Variants in IPO5 observed in about 807,000 individuals in gnomAD.
IPO5 encodes importin-5.
In IPO5, 18 loss-of-function variants were observed where a neutral mutation model predicts 143.3. The observed-to-expected ratio is 0.13, with a 90% CI of 0.09 to 0.19. IPO5 has a LOEUF of 0.19. Ranked by LOEUF, IPO5 falls within the 10% of genes least tolerant of loss-of-function variation. IPO5 has a pLI of 1.00. For synonymous variants in IPO5, 477 were observed against 465.7 expected, an observed-to-expected ratio of 1.02 and a Z score of -0.31; for missense variants, 1,013 against 1,336.9, an observed-to-expected ratio of 0.76 and a Z score of 3.78.
intron 6 of IPO5, chr13:97,988,111 A>G (rs976362327): frequency 2.0e-5 from 4 of 196,592 alleles, no homozygotes; most frequent in Admixed American, 5.3e-5. Flanking sequence ...TGTAAGTTGT[A>G]TAACTCTTAA....
At chr13:97,957,591 T>C (rs1356271330) in intron 2 of IPO5, among the ~76,000 whole-genome samples, 3 of 152,138 alleles carry the variant, frequency 2.0e-5, no homozygotes, top group Admixed American at 6.5e-5. Flanking sequence ...GCCTAAATGC[T>C]TGAAGACAAT....
intron 17 of IPO5, among the ~76,000 whole-genome samples, chr13:98,006,996 G>T (rs1193024069): frequency 1.3e-5 from 2 of 151,084 alleles, no homozygotes; most frequent in Non-Finnish European, 3.0e-5. Flanking sequence ...CTCCCAGGTA[G>T]CTGAGATTAC....
intron 21 of IPO5, among the ~76,000 whole-genome samples, chr13:98,013,731 G>A (rs1340068674): frequency 6.6e-6 from 1 of 152,122 alleles, no homozygotes; most frequent in Non-Finnish European, 1.5e-5. Flanking sequence ...TAGTACCTAA[G>A]GTTTTGAGGT....
At chr13:98,019,843 C>A in intron 27 of IPO5, 34 bp downstream of exon 27, 1 of 1,405,364 alleles carries the variant, frequency 7.1e-7, no homozygotes, top group Non-Finnish European at 1.0e-6. Flanking sequence ...ATTTCCTTCT[C>A]CTCCACAGTG....
At chr13:97,964,443 C>CTTT (rs369952371) in intron 2 of IPO5, among the ~76,000 whole-genome samples, 94 of 108,172 alleles carry the variant, frequency 8.7e-4, no homozygotes, top group Non-Finnish European at 1.4e-3. Context: ...CCATTTCTTT[C>CTTT]TTTTTTTTTT....
Position 98,002,531 on chromosome 13 carries a change from G to A in IPO5, c.1173G>A (p.Gln391=), listed in dbSNP as rs772092051. The A allele has an allele frequency of 6.2e-7, 1 of 1,613,882 alleles. No homozygotes were observed. Among genetic ancestry groups the A allele is most frequent in the Non-Finnish European group, 8.5e-7 (1 of 1,179,784 alleles). Residue 391 remains glutamine, a synonymous_variant, in exon 14 of 29, where the codon CAG becomes CAA. Transcript: ENST00000651721. The part of the protein sequence containing the change: ...ALSAIGEGCH[Q]QMEGILNEIV... ...CTGCCATTGGTGAAGGGTGCCACCA[G>A]CAAATGGAAGGAATTCTAAATGAGA...
At chr13:98,008,788 T>C (rs773101490) in intron 18 of IPO5, among the ~76,000 whole-genome samples, 2 of 152,206 alleles carry the variant, frequency 1.3e-5, no homozygotes, top group African/African-American at 2.4e-5. Context: ...AGTAACATCA[T>C]AAATGTTTGT....
intron 17 of IPO5, among the ~76,000 whole-genome samples, chr13:98,007,120 A>C (rs1271920286): frequency 1.3e-5 from 2 of 151,886 alleles, no homozygotes; most frequent in Non-Finnish European, 2.9e-5. Flanking sequence ...CAGTCTGCTC[A>C]CAGGTGTGAG....
chr13:97,990,977 G>T (rs919961887), intron 9 of IPO5, among the ~76,000 whole-genome samples: 3 of 152,054 alleles, frequency 2.0e-5, no homozygotes, highest in African/African-American at 2.4e-5. Context: ...AATACTTTCT[G>T]CTTTAATCAG....
chr13:98,017,545 G>T (rs936473484), intron 25 of IPO5, among the ~76,000 whole-genome samples: 4 of 151,444 alleles, frequency 2.6e-5, no homozygotes, highest in African/African-American at 9.7e-5. Flanking sequence ...TGATCCACCC[G>T]CCTCGGCCTC....
chr13:97,969,745 G>A lies in IPO5; in HGVS notation c.-90G>A. The A allele has an allele frequency of 6.4e-7, 1 of 1,572,080 alleles. No homozygotes were observed. The highest frequency in any genetic ancestry group is 8.8e-7 in the Non-Finnish European group (1 of 1,142,448). On this transcript the variant is annotated 5_prime_UTR_variant, in exon 3 of 29. Coordinates refer to ENST00000651721, the MANE Select transcript of IPO5 (RefSeq NM_002271.6). ...CAGCAGAGGAAAGAAATTCCTAAGG[G>A]AACACTGCTCAGAAAGTACTGCAGC...
In IPO5 at chr13:98,006,165, A is replaced by T; in HGVS notation, c.1533A>T (p.Gln511His). 1 of 1,613,884 alleles carries T rather than the reference A, an allele frequency of 6.2e-7. No individual in the cohort carries two copies. The highest frequency in any genetic ancestry group is 8.5e-7 in the Non-Finnish European group (1 of 1,179,906). ...AAGGCACCAAGTTAGTTTTGGAACA[A>T]GTTGTGACATCCATTGCATCAGTTG... ...IQKGTKLVLE[Q>H]VVTSIASVAD... Residue 511 changes from glutamine (Q) to histidine (H), a missense_variant, in exon 17 of 29, where the codon CAA becomes CAT. Transcript: ENST00000651721.
chr13:97,979,856 A>G (rs1388582187), intron 4 of IPO5: 2 of 456,404 alleles, frequency 4.4e-6, no homozygotes, highest in East Asian at 6.9e-5. Flanking sequence ...ACAGAGGATA[A>G]CATTGAAAAA....
Position 97,990,522 on chromosome 13 carries a change from A to C in IPO5, c.654A>C (p.Leu218=), listed in dbSNP as rs768881287. ...VALFKHFADL[L]PGFLQAVNDS... ...TGTTCAAACATTTTGCAGACTTGCTACCGGGATTCCTACAGGTATGAAAGC... is the reference window on the plus strand; with the variant it reads ...TGTTCAAACATTTTGCAGACTTGCTCCCGGGATTCCTACAGGTATGAAAGC... The change falls in exon 9 of 29, where the codon CTA becomes CTC. Residue 218 remains leucine, a synonymous_variant. Transcript: ENST00000651721. 3.8e-6 allele frequency: 6 copies of C among 1,585,828 alleles called. No homozygotes were observed. The highest frequency in any genetic ancestry group is 5.1e-6 in the Non-Finnish European group (6 of 1,166,590).
At chr13:98,021,706 C>T in intron 28 of IPO5, 30 bp from the exon 29 acceptor site, 4 of 1,389,034 alleles carry the variant, frequency 2.9e-6, no homozygotes, top group African/African-American at 1.4e-5. Flanking sequence ...GCATTTCGTC[C>T]TAAGTCTGTG....
chr13:98,015,326 C>T (rs1594129320), intron 22 of IPO5, among the ~76,000 whole-genome samples: 1 of 151,632 alleles, frequency 6.6e-6, no homozygotes. Flanking sequence ...TAGGTATGCT[C>T]AGTAGTGTTC....
intron 5 of IPO5, among the ~76,000 whole-genome samples, chr13:97,985,116 AATTTAAG>A (rs1233161522): frequency 6.6e-6 from 1 of 152,198 alleles, no homozygotes; most frequent in Non-Finnish European, 1.5e-5. Flanking sequence ...TAGGGTTTAC[AATTTAAG>A]ATTTGTTTTT....
At chr13:98,006,065 TA>T in intron 16 of IPO5, 64 bp from the exon 17 acceptor site, 1 of 1,074,490 alleles carries the variant, frequency 9.3e-7, no homozygotes, top group Non-Finnish European at 1.4e-6. Context: ...AAGGGAGTAG[TA>T]ATTGTAAATT....
In IPO5 at chr13:98,015,738, A is replaced by G; in HGVS notation, c.2450A>G (p.Asp817Gly). The change falls in exon 24 of 29, where the codon GAT becomes GGT. Residue 817 changes from aspartate (D) to glycine (G), a missense_variant. By Grantham distance (94) the Asp-to-Gly change is moderately conservative. Coordinates refer to ENST00000651721, the MANE Select transcript of IPO5 (RefSeq NM_002271.6). ...NQELRQVKRQ[D>G]EDYDEQVEES... ...GGGTGTGTTTTAGTTAAAAGACAAG[A>G]TGAAGACTATGATGAACAGGTCGAA... 2 of 1,611,594 alleles carry G rather than the reference A, an allele frequency of 1.2e-6. No individual in the cohort carries two copies. The highest frequency in any genetic ancestry group is 8.5e-7 in the Non-Finnish European group (1 of 1,178,356).
Sources: allele counts gnomAD v4.1 joint callset (sites outside exome capture counted in the v4.1 genomes callset), GRCh38; gene constraint gnomAD v4.1.1; transcripts MANE v1.5; gene names NCBI Gene and HGNC (gene_info 2026-07-23, HGNC 2026-07-21).